The following PARP14 variants were observed in gnomAD, a reference collection of about 807,000 sequenced individuals.
PARP14 encodes protein mono-ADP-ribosyltransferase PARP14.
In PARP14, 59 loss-of-function variants were observed where a neutral mutation model predicts 154.2. The observed-to-expected ratio is 0.38, with a 90% confidence interval of 0.31 to 0.48. The LOEUF is 0.48. Among genes scored for constraint, PARP14 ranks in the 20% least tolerant of loss-of-function variants. PARP14 has a pLI of 0.98. For synonymous variants in PARP14, 720 were observed against 780.5 expected, an observed-to-expected ratio of 0.92 and a Z score of 1.29; for missense variants, 1,734 against 2,131.6, an observed-to-expected ratio of 0.81 and a Z score of 3.67.
In PARP14 at chr3:122,701,746, A is replaced by G; in HGVS notation, c.3081+111A>G. On this transcript the variant is annotated intron_variant, in intron 6 of 16. Coordinates refer to ENST00000474629, the MANE Select transcript of PARP14 (RefSeq NM_017554.3). This position sits in a 1 kb window ranked among gnomAD's most constrained non-coding sequence, Gnocchi z 4.0. ...AGGACCAAGGTGAGAATCAAGGGAG[A>G]GAATCCCATGCCTTCCACCCCTGCC... 2 of 797,696 alleles carry G rather than the reference A, an allele frequency of 2.5e-6. No homozygotes were observed. The highest frequency in any genetic ancestry group is 3.9e-5 in the South Asian group (2 of 51,492). The allele number at this position is 797,696 out of a possible 1,614,324, so 49.4% of individuals were successfully genotyped here. A position where few individuals can be genotyped will look rare whatever the true frequency, so the allele number is the denominator to read the frequency against.
intron 9 of PARP14, among the ~76,000 whole-genome samples, chr3:122,710,252 G>A (rs1229642012): frequency 6.6e-6 from 1 of 152,122 alleles, no homozygotes; most frequent in Non-Finnish European, 1.5e-5. Context: ...GAGAGATGGG[G>A]ATCCAGTTTA....
Position 122,685,217 on chromosome 3 carries a change from G to C in PARP14, c.220G>C (p.Glu74Gln), listed in dbSNP as rs1162748690. 6.2e-7 allele frequency: 1 copy of C among 1,613,798 alleles called. No homozygotes were observed. The highest frequency in any genetic ancestry group is 8.5e-7 in the Non-Finnish European group (1 of 1,179,838). Residue 74 changes from glutamate (E) to glutamine (Q), a missense_variant, in exon 2 of 17, where the codon GAG becomes CAG. Glu to Gln is a conservative substitution (Grantham distance 29). Transcript: ENST00000474629. ...GAAGGTTCTGGAGAGAAAAAATCATGAGTTGGTATGGCAAGGAAAAGGAAC... is the reference window on the plus strand; with the variant it reads ...GAAGGTTCTGGAGAGAAAAAATCATCAGTTGGTATGGCAAGGAAAAGGAAC... ...RQKVLERKNHELVWQGKGTFK... is the reference protein window; with the variant it reads ...RQKVLERKNHQLVWQGKGTFK...
At chr3:122,695,877 A>G (rs998772254) in intron 5 of PARP14, among the ~76,000 whole-genome samples, 6 of 152,216 alleles carry the variant, frequency 3.9e-5, no homozygotes, top group African/African-American at 1.4e-4. Flanking sequence ...AGATATAAGG[A>G]GGTTTTTTCA....
At chr3:122,683,608 T>C (rs954390453) in intron 1 of PARP14, among the ~76,000 whole-genome samples, 16 of 152,192 alleles carry the variant, frequency 1.1e-4, no homozygotes, top group Admixed American at 1.0e-3. Context: ...AAATTAAATG[T>C]TGATGATCTA....
chr3:122,702,930 G>A (rs1181858121), intron 6 of PARP14, among the ~76,000 whole-genome samples: 1 of 145,444 alleles, frequency 6.9e-6, no homozygotes, highest in Non-Finnish European at 1.5e-5. Flanking sequence ...GTTTGAGGCT[G>A]CAGTGAACTA....
chr3:122,721,737 A>G (rs540246721), intron 15 of PARP14: 2 of 152,330 alleles, frequency 1.3e-5, no homozygotes, highest in Admixed American at 6.5e-5. Flanking sequence ...TCTTTGATCC[A>G]CCATAAGTCT....
In PARP14 at chr3:122,681,512, T is replaced by G. The variant is rs1938204853; in HGVS notation, c.187+442T>G. ...AGTCACAGAGATTCCTTGTGGTTCTTGGAGATTCCCAGGGGTCCCGGGGTC... is the reference window on the plus strand; with the variant it reads ...AGTCACAGAGATTCCTTGTGGTTCTGGGAGATTCCCAGGGGTCCCGGGGTC... On this transcript the variant is annotated intron_variant, in intron 1 of 16. Coordinates refer to ENST00000474629, the MANE Select transcript of PARP14 (RefSeq NM_017554.3). This position sits in a 1 kb window ranked among gnomAD's most constrained non-coding sequence, Gnocchi z 5.5. Among the ~76,000 whole-genome samples, 2 of 152,112 alleles carry G rather than the reference T, an allele frequency of 1.3e-5. No homozygotes were observed. The highest frequency in any genetic ancestry group is 4.1e-4 in the South Asian group (2 of 4,824).
intron 9 of PARP14, among the ~76,000 whole-genome samples, chr3:122,708,513 C>T (rs989654973): frequency 6.6e-6 from 1 of 152,176 alleles, no homozygotes; most frequent in African/African-American, 2.4e-5. Flanking sequence ...ACAAGACTAC[C>T]ATTTCCTGAG....
Position 122,728,368 on chromosome 3 carries a change from C to T in PARP14, c.5177C>T (p.Thr1726Met), listed in dbSNP as rs561380358. 7.2e-5 allele frequency: 116 copies of T among 1,612,676 alleles called. No individual in the cohort carries two copies. The highest frequency in any genetic ancestry group is 2.0e-4 in the East Asian group (9 of 44,868). ...AATGCCAATTATTCTGCCAATGATA[C>T]GTACTCCAGACCAGATGCAAATGGG... is the stretch of plus-strand genomic sequence containing the variant. Reference protein sequence around the residue: ...AVNANYSANDTYSRPDANGRK... With the variant: ...AVNANYSANDMYSRPDANGRK... Residue 1726 changes from threonine to methionine, a missense_variant, in exon 17 of 17, where the codon ACG becomes ATG. Physicochemically the swap from Thr to Met is moderately conservative, Grantham distance 81. Around this residue, in one of 2 missense-constraint regions of PARP14, gnomAD observed 88 missense variants for 155.6 expected, o/e 0.57. Transcript: ENST00000474629.
intron 9 of PARP14, among the ~76,000 whole-genome samples, chr3:122,708,963 G>T (rs553699744): frequency 1.3e-5 from 2 of 151,954 alleles, no homozygotes; most frequent in Admixed American, 6.6e-5. Flanking sequence ...TTTTAGATAC[G>T]TATGTGTATG....
intron 1 of PARP14, among the ~76,000 whole-genome samples, chr3:122,682,160 A>G (rs1240734166): frequency 1.3e-5 from 2 of 152,178 alleles, no homozygotes; most frequent in Non-Finnish European, 2.9e-5. Flanking sequence ...ATGTTTTCCT[A>G]GGATTAATTT....
intron 2 of PARP14, among the ~76,000 whole-genome samples, chr3:122,686,347 G>T (rs556504149): frequency 6.6e-6 from 1 of 151,990 alleles, no homozygotes; most frequent in Non-Finnish European, 1.5e-5. Flanking sequence ...TAGAGTCGGG[G>T]TTTTACCATG....
At position 122,705,990 on chromosome 3, in the gene PARP14, C is replaced by G. The variant is rs149440142; in HGVS notation, c.3540+1242C>G. Among the ~76,000 whole-genome samples, 73 of 152,312 alleles carry G rather than the reference C, an allele frequency of 4.8e-4. 1 individual carries two copies. In the East Asian group the frequency reaches 0.014, roughly 29 times the overall value. The stretch of plus-strand genomic sequence containing the variant: ...CGAATAGGAATAGCACATACTTTCC[C>G]TCCTATAAATCACAATTACTTTGGA... On this transcript the variant is annotated intron_variant, in intron 8 of 16. Coordinates refer to ENST00000474629, the MANE Select transcript of PARP14 (RefSeq NM_017554.3).
At chr3:122,727,447 GT>G (rs1239270417) in intron 15 of PARP14, among the ~76,000 whole-genome samples, 4 of 152,218 alleles carry the variant, frequency 2.6e-5, no homozygotes, top group Non-Finnish European at 5.9e-5. Context: ...GACTGAGGTG[GT>G]GAGAGGCAAA....
chr3:122,714,108 T>C (rs1321747749), intron 11 of PARP14, among the ~76,000 whole-genome samples, 154 bp from the exon 12 acceptor site: 2 of 151,992 alleles, frequency 1.3e-5, no homozygotes, highest in African/African-American at 4.8e-5. Context: ...CAGTTAAAAG[T>C]AAAGTTAAGT....
At position 122,713,406 on chromosome 3, in the gene PARP14, T is replaced by G. The variant is rs1417483407; in HGVS notation, c.3620-18T>G. The G allele has an allele frequency of 6.2e-7, 1 of 1,602,920 alleles. No individual in the cohort carries two copies. Among genetic ancestry groups the G allele is most frequent in the East Asian group, 2.2e-5 (1 of 44,646 alleles). The stretch of plus-strand genomic sequence containing the variant: ...CTGTGGCTGACTCGGTTATTGACTT[T>G]ACTTCTTTTCTTTTCAGGTTTTTAT... On this transcript the variant is annotated intron_variant, in intron 9 of 16. Coordinates refer to ENST00000474629, the MANE Select transcript of PARP14 (RefSeq NM_017554.3).
Position 122,681,163 on chromosome 3 carries a change from C to A in PARP14, c.187+93C>A, listed in dbSNP as rs2107633430. The A allele has an allele frequency of 3.2e-6, 2 of 615,920 alleles. No homozygotes were observed. The highest frequency in any genetic ancestry group is 4.1e-5 in the East Asian group (1 of 24,428). The allele number at this position is 615,920 out of a possible 1,614,324, so 38.2% of individuals were successfully genotyped here. A position where few individuals can be genotyped will look rare whatever the true frequency, so the allele number is the denominator to read the frequency against. Reference sequence around the variant, plus strand: ...GGCACGCACGGGAGGGTGACCCGCCCGACTTCGGCGGCTGCTGTAGCGGAG... The same window carrying A: ...GGCACGCACGGGAGGGTGACCCGCCAGACTTCGGCGGCTGCTGTAGCGGAG... On this transcript the variant is annotated intron_variant, in intron 1 of 16. Transcript: ENST00000474629. This position sits in a 1 kb window ranked among gnomAD's most constrained non-coding sequence, Gnocchi z 5.5.
intron 9 of PARP14, among the ~76,000 whole-genome samples, chr3:122,712,006 G>A (rs1014827051): frequency 7.9e-5 from 12 of 152,118 alleles, no homozygotes; most frequent in African/African-American, 2.9e-4. Context: ...AATGGTCTAT[G>A]AATTTTCTTT....
rs1171876007 is a variant in PARP14 at position 122,685,166 on chromosome 3, C to T, written c.188-19C>T. On this transcript the variant is annotated intron_variant, in intron 1 of 16. Coordinates refer to ENST00000474629, the MANE Select transcript of PARP14 (RefSeq NM_017554.3). ...GATTGCTTGTCATTTGTCTTTTTTCCCCCCTTTGGACATTTCAGTTCGGCA... is the reference window on the plus strand; with the variant it reads ...GATTGCTTGTCATTTGTCTTTTTTCTCCCCTTTGGACATTTCAGTTCGGCA... 15 of 1,604,726 alleles carry T rather than the reference C, an allele frequency of 9.3e-6. No homozygotes were observed. The highest frequency in any genetic ancestry group is 1.3e-5 in the African/African-American group (1 of 74,640).
Sources: gnomAD v4.1 joint callset for allele counts (sites outside exome capture counted in the v4.1 genomes callset) on GRCh38, gnomAD v4.1.1 for gene constraint, gnomAD v4.1.1 regional missense constraint, Gnocchi (gnomAD v3.1) non-coding constraint, MANE v1.5 for transcripts, NCBI Gene and HGNC (gene_info 2026-07-23, HGNC 2026-07-21) for gene names.